IQCM: variants seen among roughly 807,000 people sequenced by gnomAD.
The protein encoded by IQCM is IQ domain-containing protein M.
A neutral mutation model predicts 57.6 loss-of-function variants in IQCM; 45 were observed. The observed-to-expected ratio is 0.78, with a 90% CI of 0.62 to 1.00. The LOEUF (loss-of-function observed/expected upper bound fraction) is 1.00, where lower values mean the gene tolerates loss of function less well. Ranked by LOEUF, IQCM falls within the 50% of genes least tolerant of loss-of-function variation. The pLI is 0.00. For missense variants in IQCM, 468 were observed against 511.6 expected (o/e 0.91, Z 0.82); for synonymous variants, 148 against 158.9 (o/e 0.93, Z 0.51).
chr4:149,535,337 T>C (rs1198190801), intron 12 of IQCM, among the ~76,000 whole-genome samples: 4 of 152,224 alleles, frequency 2.6e-5, no homozygotes, highest in Non-Finnish European at 5.9e-5. Flanking sequence ...GTATTTTATA[T>C]TCATGTTCCT....
At chr4:149,697,064 G>A (rs1252744178) in intron 5 of IQCM, among the ~76,000 whole-genome samples, 1 of 151,862 alleles carries the variant, frequency 6.6e-6, no homozygotes, top group Non-Finnish European at 1.5e-5. Context: ...ATAGAAATCT[G>A]ATCATAACAT....
At chr4:149,439,591 G>T (rs1735703792) in intron 12 of IQCM, among the ~76,000 whole-genome samples, 1 of 151,982 alleles carries the variant, frequency 6.6e-6, no homozygotes, top group African/African-American at 2.4e-5. Flanking sequence ...AAGTGTGTCT[G>T]TGTACTGGAA....
intron 12 of IQCM, among the ~76,000 whole-genome samples, chr4:149,509,670 T>C (rs1744199827): frequency 6.6e-6 from 1 of 152,102 alleles, no homozygotes; most frequent in African/African-American, 2.4e-5. Flanking sequence ...AAAGCAAAAA[T>C]TATTTAATTA....
intron 7 of IQCM, among the ~76,000 whole-genome samples, chr4:149,671,040 G>A (rs1328339400): frequency 6.6e-6 from 1 of 151,302 alleles, no homozygotes; most frequent in Non-Finnish European, 1.5e-5. Context: ...TCTGTCGATT[G>A]GAAGAGTTTC....
At chr4:149,606,443 C>A (rs1379677607) in intron 8 of IQCM, among the ~76,000 whole-genome samples, 1 of 152,130 alleles carries the variant, frequency 6.6e-6, no homozygotes, top group Non-Finnish European at 1.5e-5. Flanking sequence ...AGTATGAATA[C>A]AAACAAGCCC....
At chr4:149,487,672 C>T (rs975356009) in intron 12 of IQCM, among the ~76,000 whole-genome samples, 17 of 152,160 alleles carry the variant, frequency 1.1e-4, no homozygotes, top group Non-Finnish European at 1.8e-4. Flanking sequence ...TGCACAGGTG[C>T]AGGCTATGCA....
At chr4:149,425,664 C>T (rs1367214316) in intron 13 of IQCM, among the ~76,000 whole-genome samples, 1 of 151,944 alleles carries the variant, frequency 6.6e-6, no homozygotes, top group African/African-American at 2.4e-5. Context: ...ATCTAGCCTA[C>T]TGATTTAAAT....
intron 2 of IQCM, among the ~76,000 whole-genome samples, chr4:149,799,013 A>G (rs1773366410): frequency 6.6e-6 from 1 of 150,438 alleles, no homozygotes; most frequent in Non-Finnish European, 1.5e-5. Context: ...TATTTCATCC[A>G]AGAGCTGCAA....
intron 12 of IQCM, among the ~76,000 whole-genome samples, chr4:149,440,380 C>A (rs900382008): frequency 4.6e-5 from 7 of 151,852 alleles, no homozygotes; most frequent in African/African-American, 1.7e-4. Flanking sequence ...GGGCAGAGGG[C>A]AACTCTATGA....
At chr4:149,638,269 A>G (rs1278887063) in intron 7 of IQCM, among the ~76,000 whole-genome samples, 1 of 152,234 alleles carries the variant, frequency 6.6e-6, no homozygotes, top group East Asian at 1.9e-4. Flanking sequence ...GATTGACAAC[A>G]TAAAATGTAG....
rs867217686 is a variant in IQCM at position 149,563,767 on chromosome 4, A to T, written c.873T>A (p.Ile291=). The change falls in exon 10 of 14, where the codon ATT becomes ATA. Residue 291 remains isoleucine (I), a synonymous_variant. Transcript: ENST00000636793. ...GTGCCTGCATGACGGTGACCATTCT[A>T]ATCAATTTTGGGGTAATCATGAATT... ...RKKFMITPKL[I]RMVTVMQAHV... 9 of 1,232,004 alleles carry T rather than the reference A, an allele frequency of 7.3e-6. No individual in the cohort carries two copies. In the Middle Eastern group the frequency reaches 1.2e-3, roughly 171 times the overall value. 76.3% of individuals were successfully genotyped at this position (1,232,004 alleles called of 1,614,324 possible).
chr4:149,393,048 G>T (rs1452022589), intron 13 of IQCM, among the ~76,000 whole-genome samples: 1 of 151,840 alleles, frequency 6.6e-6, no homozygotes. Flanking sequence ...AGTGGCACAT[G>T]CCTGTAGTCC....
chr4:149,800,852 G>C (rs1040225920), intron 2 of IQCM, among the ~76,000 whole-genome samples: 1 of 151,698 alleles, frequency 6.6e-6, no homozygotes, highest in Non-Finnish European at 1.5e-5. Flanking sequence ...AAAACAGAAA[G>C]ATATTCCATG....
intron 5 of IQCM, among the ~76,000 whole-genome samples, chr4:149,704,000 GA>G (rs767772748): frequency 1.3e-5 from 2 of 151,756 alleles, no homozygotes; most frequent in Non-Finnish European, 2.9e-5. Flanking sequence ...TGGTCTTTGT[GA>G]AAAGTGTGAA....
chr4:149,494,800 G>A lies in IQCM; in HGVS notation c.1228+53655C>T, dbSNP rs145804835. Among the ~76,000 whole-genome samples the A allele has an allele frequency of 2.6e-3, 394 of 152,132 alleles. 3 individuals are homozygous for A. Among genetic ancestry groups the A allele is most frequent in the African/African-American group, 8.9e-3 (369 of 41,538 alleles). The stretch of plus-strand genomic sequence containing the variant: ...GAAATTTTGGTGGATCAGAATAAGG[G>A]GAACATATATTATTCAAAGCACAGT... On this transcript the variant is annotated intron_variant, in intron 12 of 13. Coordinates refer to ENST00000636793, the MANE Select transcript of IQCM (RefSeq NM_001363507.2).
At chr4:149,647,683 G>T (rs1480380578) in intron 7 of IQCM, among the ~76,000 whole-genome samples, 2 of 145,894 alleles carry the variant, frequency 1.4e-5, no homozygotes, top group Non-Finnish European at 3.0e-5. Context: ...CTTTTTATTT[G>T]GTTTTCTTCA....
chr4:149,741,877 G>T (rs1437453544), intron 3 of IQCM, among the ~76,000 whole-genome samples: 1 of 152,072 alleles, frequency 6.6e-6, no homozygotes, highest in Non-Finnish European at 1.5e-5. Context: ...CTCGATAGAG[G>T]TAATAATTTT....
chr4:149,643,718 C>T (rs1579823109), intron 7 of IQCM, among the ~76,000 whole-genome samples: 1 of 151,710 alleles, frequency 6.6e-6, no homozygotes, highest in Non-Finnish European at 1.5e-5. Flanking sequence ...AGAGGCTTGT[C>T]AGTCAGGACA....
At chr4:149,602,385 T>C (rs1754396222) in intron 8 of IQCM, among the ~76,000 whole-genome samples, 1 of 152,176 alleles carries the variant, frequency 6.6e-6, no homozygotes, top group Non-Finnish European at 1.5e-5. Flanking sequence ...TATTTCATAG[T>C]ACCCTCTTTA....
Sources: gnomAD v4.1 joint callset for allele counts (sites outside exome capture counted in the v4.1 genomes callset) on GRCh38, gnomAD v4.1.1 for gene constraint, MANE v1.5 for transcripts, NCBI Gene and HGNC (gene_info 2026-07-23, HGNC 2026-07-21) for gene names.